CP: variants seen among roughly 807,000 people sequenced by gnomAD.
The protein encoded by CP is caeruloplasmin.
In CP, 64 loss-of-function variants were observed where a neutral mutation model predicts 122.4. The ratio of observed to expected loss-of-function variants is 0.52; its 90% CI spans 0.43 to 0.64. The LOEUF is 0.64. CP is among the 30% of genes least tolerant of loss of function. CP has a pLI of 0.00. For missense variants in CP, 1,167 were observed against 1,284.4 expected, an observed-to-expected ratio of 0.91 and a Z score of 1.40; for synonymous variants, 440 against 436.4, an observed-to-expected ratio of 1.01 and a Z score of -0.10.
At chr3:149,167,972 C>T (rs1027421371), downstream of CP, 1 of 1,550,008 alleles carries the variant, frequency 6.5e-7, no homozygotes, top group South Asian at 1.1e-5. Context: ...CTCTACCTGT[C>T]ATCATTAAAA....
intron 9 of CP, among the ~76,000 whole-genome samples, chr3:149,197,108 T>A (rs1415037264): frequency 6.6e-5 from 10 of 152,114 alleles, no homozygotes. Flanking sequence ...GTAATTTTCC[T>A]TTACCTACCC....
chr3:149,190,921 C>T (rs185336789), intron 9 of CP, among the ~76,000 whole-genome samples: 37 of 152,168 alleles, frequency 2.4e-4, no homozygotes, highest in African/African-American at 8.9e-4. Flanking sequence ...TCAAATTCAG[C>T]CCACCAATAT....
At chr3:149,221,587 C>A (rs369194670) in intron 1 of CP, 60 bp downstream of exon 1, 12 of 1,512,526 alleles carry the variant, frequency 7.9e-6, no homozygotes, top group East Asian at 2.3e-5. Context: ...ATCTTATTGG[C>A]TCTATCCTTT....
chr3:149,181,994 C>CCCCCCCA lies in CP; in HGVS notation c.2554+10_2554+11insTGGGGGG. 9.6e-7 allele frequency: 1 copy of CCCCCCCA among 1,036,640 alleles called. No homozygotes were observed. Among genetic ancestry groups the CCCCCCCA allele is most frequent in the Admixed American group, 1.9e-5 (1 of 52,020 alleles). The allele number at this position is 1,036,640 out of a possible 1,614,324, so 64.2% of individuals were successfully genotyped here. The stretch of plus-strand genomic sequence containing the variant: ...AAAATGCACCACCCCCACCCCCGCC[C>CCCCCCCA]CCGTGAGTACCTGGTAATGTTGGAG... On this transcript the variant is annotated intron_variant, in intron 14 of 18. Coordinates refer to ENST00000264613, the MANE Select transcript of CP (RefSeq NM_000096.4).
chr3:149,191,290 T>C (rs559861721), intron 9 of CP, among the ~76,000 whole-genome samples: 2 of 150,672 alleles, frequency 1.3e-5, no homozygotes, highest in Non-Finnish European at 3.0e-5. Context: ...TCTGAAGTTA[T>C]CTATTTCATT....
chr3:149,167,051 T>C (rs1724496365), intron 4 of CP: 1 of 1,613,264 alleles, frequency 6.2e-7, no homozygotes. Flanking sequence ...TATGTGGTCC[T>C]TCATTTGACA....
At chr3:149,203,019 G>A (rs1156540801) in intron 6 of CP, among the ~76,000 whole-genome samples, 1 of 146,490 alleles carries the variant, frequency 6.8e-6, no homozygotes, top group African/African-American at 2.6e-5. Flanking sequence ...CAATTCTCCT[G>A]CCTCAGCCTC....
At position 149,183,614 on chromosome 3, in the gene CP, AAAAAAC is replaced by A; in HGVS notation, c.2286-15_2286-10del. 3 of 1,545,320 alleles carry A rather than the reference AAAAAAC, an allele frequency of 1.9e-6. No homozygotes were observed. The highest frequency in any genetic ancestry group is 2.6e-6 in the Non-Finnish European group (3 of 1,136,160). On this transcript the variant is annotated splice_polypyrimidine_tract_variant and intron_variant, in intron 12 of 18. Transcript: ENST00000264613. ...AAAATGCATTTGAAACACTTAAAAA[AAAAAAC>A]AACTAAGGTTAGTATTTGTCTTAAT...
rs765169503 is a variant in CP, at chr3:149,207,513, C to T, written c.886G>A (p.Ala296Thr). 9.3e-6 allele frequency: 15 copies of T among 1,613,948 alleles called. No homozygotes were observed. Among genetic ancestry groups the T allele is most frequent in the African/African-American group, 1.3e-5 (1 of 75,026 alleles). The change falls in exon 5 of 19, where the codon GCA (alanine) becomes ACA (threonine). Residue 296 changes from alanine (A) to threonine (T), a missense_variant. Coordinates refer to ENST00000264613, the MANE Select transcript of CP (RefSeq NM_000096.4). ...AGTGCTTGCCCGTGAAAGAAAGCTG[C>T]GTGCACATCAACTTCATTACCCATA... ...FGMGNEVDVH[A>T]AFFHGQALTN...
intron 17 of CP, 74 bp downstream of exon 17, chr3:149,177,764 CTG>C (rs772316893): frequency 1.3e-6 from 2 of 1,513,542 alleles, no homozygotes; most frequent in Non-Finnish European, 1.8e-6. Flanking sequence ...ATAAGTCTCT[CTG>C]AGAAAATATT....
rs768996408 is a variant in CP, at chr3:149,202,163, T to G, written c.1287A>C (p.Thr429=). The change falls in exon 7 of 19, where the codon ACA becomes ACC. Residue 429 remains threonine (T), a synonymous_variant. Transcript: ENST00000264613. The part of the protein sequence containing the change: ...SYKKLVYREY[T]DASFTNRKER... ...CCTTTCGATTTGTGAAGGAGGCATCTGTGTACTCACGATAAACCAGCTTTT... is the reference window on the plus strand; with the variant it reads ...CCTTTCGATTTGTGAAGGAGGCATCGGTGTACTCACGATAAACCAGCTTTT... 1.9e-6 allele frequency: 3 copies of G among 1,614,174 alleles called. No individual in the cohort carries two copies. Among genetic ancestry groups the G allele is most frequent in the Non-Finnish European group, 2.5e-6 (3 of 1,180,012 alleles).
In CP at chr3:149,167,239, G is replaced by C; in HGVS notation, c.587-1189C>G. ...AATCATGAACTGAAAGAAGAGAACC[G>C]GGTATGCTTTTTCAGATTATGTTTT... On this transcript the variant is annotated intron_variant, in intron 4 of 5. Transcript: ENST00000479771. The C allele has an allele frequency of 1.2e-6, 2 of 1,609,748 alleles. No individual in the cohort carries two copies. The highest frequency in any genetic ancestry group is 8.5e-7 in the Non-Finnish European group (1 of 1,177,286).
chr3:149,162,540 A>C (rs1019045369), exon 6 of CP: 6 of 1,003,846 alleles, frequency 6.0e-6, no homozygotes, highest in Non-Finnish European at 9.3e-6. Context: ...TCCTTTTAAA[A>C]ATGTCTAAAT....
intron 2 of CP, 148 bp downstream of exon 2, chr3:149,212,303 A>G: frequency 1.2e-6 from 1 of 830,590 alleles, no homozygotes; most frequent in Non-Finnish European, 1.7e-6. Flanking sequence ...AGAAGTCAAA[A>G]AAAATTAAAA....
chr3:149,173,787 G>T, intron 18 of CP, 57 bp from the exon 19 acceptor site: 1 of 863,974 alleles, frequency 1.2e-6, no homozygotes, highest in Non-Finnish European at 1.8e-6. Context: ...TTAGAAATTA[G>T]TAGATGGTTC....
chr3:149,209,748 C>T (rs1727982335), intron 3 of CP, among the ~76,000 whole-genome samples: 1 of 152,154 alleles, frequency 6.6e-6, no homozygotes. Flanking sequence ...ATTTCAGGCT[C>T]TTGAGCTCCG....
Position 149,198,646 on chromosome 3 carries a change from G to T in CP, c.1502-68C>A, listed in dbSNP as rs1727078494. Reference sequence around the variant, plus strand: ...ACGTGGTCATTTGAGCCACAAAGTAGACTAAGTTTAGTCTAGAATAGCCCA... The same window carrying T: ...ACGTGGTCATTTGAGCCACAAAGTATACTAAGTTTAGTCTAGAATAGCCCA... On this transcript the variant is annotated intron_variant, in intron 8 of 18. Coordinates refer to ENST00000264613, the MANE Select transcript of CP (RefSeq NM_000096.4). 3.6e-6 allele frequency: 5 copies of T among 1,381,666 alleles called. No individual in the cohort carries two copies. The South Asian group carries it at 4.8e-5, about 13-fold the overall frequency. The allele number at this position is 1,381,666 out of a possible 1,614,324, so 85.6% of individuals were successfully genotyped here.
chr3:149,172,067 T>C, downstream of CP: 1 of 1,608,874 alleles, frequency 6.2e-7, no homozygotes. Context: ...GACTTTCAAT[T>C]CTAATTCAGA....
chr3:149,164,654 G>T (rs1433112906), intron 5 of CP, among the ~76,000 whole-genome samples: 1 of 152,144 alleles, frequency 6.6e-6, no homozygotes, highest in African/African-American at 2.4e-5. Flanking sequence ...TTCCTATTAA[G>T]AATTCTGAGT....
Sources: gnomAD v4.1 joint callset for allele counts (sites outside exome capture counted in the v4.1 genomes callset) on GRCh38, gnomAD v4.1.1 for gene constraint, MANE v1.5 for transcripts, NCBI Gene and HGNC (gene_info 2026-07-23, HGNC 2026-07-21) for gene names.